ZNF385D: variants seen among roughly 807,000 people sequenced by gnomAD.
ZNF385D encodes zinc finger protein 385D, also known as zinc finger protein 659.
In ZNF385D, 15 loss-of-function variants were observed where a neutral mutation model predicts 35.8. The observed-to-expected ratio is 0.42, with a 90% CI of 0.28 to 0.64. ZNF385D has a LOEUF of 0.64. Ranked by LOEUF, ZNF385D falls within the 30% of genes least tolerant of loss-of-function variation. The probability of loss-of-function intolerance (pLI) is 0.23; values close to 1 mark genes in which losing one functional copy is unlikely to be tolerated. For synonymous variants in ZNF385D, 212 were observed against 186.8 expected (o/e 1.13, Z -1.10); for missense variants, 474 against 494.6 (o/e 0.96, Z 0.39).
chr3:21,457,806 T>TA (rs1281763137), intron 4 of ZNF385D, among the ~76,000 whole-genome samples: 1 of 152,216 alleles, frequency 6.6e-6, no homozygotes, highest in African/African-American at 2.4e-5. Flanking sequence ...TAAGTTAATT[T>TA]AAGAATTACA....
At chr3:22,320,892 T>C (rs1694379001) in intron 2 of ZNF385D, among the ~76,000 whole-genome samples, 1 of 151,970 alleles carries the variant, frequency 6.6e-6, no homozygotes, top group East Asian at 1.9e-4. Flanking sequence ...ATTTTGTACA[T>C]TTTAAATATA....
intron 3 of ZNF385D, among the ~76,000 whole-genome samples, chr3:22,041,122 C>T (rs1698638403): frequency 6.6e-6 from 1 of 152,046 alleles, no homozygotes; most frequent in South Asian, 2.1e-4. Flanking sequence ...CTCTGTTTTC[C>T]TCTATGTTGG....
intron 3 of ZNF385D, among the ~76,000 whole-genome samples, chr3:21,789,675 G>C (rs1033251790): frequency 6.6e-6 from 1 of 152,092 alleles, no homozygotes; most frequent in Non-Finnish European, 1.5e-5. Flanking sequence ...AGCCTCATTT[G>C]CCTGTATTTA....
At chr3:22,014,401 C>T (rs1372603933) in intron 3 of ZNF385D, among the ~76,000 whole-genome samples, 4 of 152,052 alleles carry the variant, frequency 2.6e-5, no homozygotes, top group Non-Finnish European at 5.9e-5. Flanking sequence ...GATAACAATC[C>T]TACAAGATGC....
At chr3:22,370,444 C>T (rs1201100978) in intron 2 of ZNF385D, among the ~76,000 whole-genome samples, 3 of 152,144 alleles carry the variant, frequency 2.0e-5, no homozygotes, top group African/African-American at 4.8e-5. Flanking sequence ...AAGTGCCACA[C>T]AATTTTTATT....
At chr3:22,091,564 G>C (rs1206468510) in intron 3 of ZNF385D, among the ~76,000 whole-genome samples, 1 of 150,330 alleles carries the variant, frequency 6.7e-6, no homozygotes, top group Non-Finnish European at 1.5e-5. Flanking sequence ...TAGCCTGCCA[G>C]AGTTATTGTT....
At chr3:22,321,858 A>G (rs1335667188) in intron 2 of ZNF385D, among the ~76,000 whole-genome samples, 1 of 152,040 alleles carries the variant, frequency 6.6e-6, no homozygotes, top group East Asian at 1.9e-4. Context: ...TTGAATCTTC[A>G]TTCTTTTAAT....
At chr3:22,304,144 C>T (rs1409266374) in intron 2 of ZNF385D, among the ~76,000 whole-genome samples, 1 of 152,156 alleles carries the variant, frequency 6.6e-6, no homozygotes, top group Non-Finnish European at 1.5e-5. Context: ...AGGTCTATTG[C>T]ATAGATCTTC....
chr3:21,556,681 C>T (rs552714909), intron 3 of ZNF385D, among the ~76,000 whole-genome samples: 36 of 151,640 alleles, frequency 2.4e-4, no homozygotes, highest in South Asian at 1.7e-3. Flanking sequence ...TTGTTCTGTT[C>T]GCTTAGGATT....
chr3:21,613,146 GTT>G (rs2125793810), intron 2 of ZNF385D, among the ~76,000 whole-genome samples: 1 of 152,046 alleles, frequency 6.6e-6, no homozygotes, highest in South Asian at 2.1e-4. Context: ...GTTCTTAGAA[GTT>G]ATTTCTGTAA....
At chr3:21,446,530 A>G (rs917649933) in intron 4 of ZNF385D, among the ~76,000 whole-genome samples, 1 of 120,318 alleles carries the variant, frequency 8.3e-6, no homozygotes, top group Non-Finnish European at 1.6e-5. Flanking sequence ...GTCTCACTCT[A>G]TCATGCAGGC....
At chr3:21,762,817 G>A (rs11708627) in intron 3 of ZNF385D, among the ~76,000 whole-genome samples, 26,737 of 152,102 alleles carry the variant, frequency 0.18, 2,855 homozygotes, top group Non-Finnish European at 0.23. Context: ...GATTGAAAAG[G>A]CCTATTCATC....
intron 2 of ZNF385D, among the ~76,000 whole-genome samples, chr3:22,256,950 T>G (rs1258102659): frequency 6.6e-6 from 1 of 151,830 alleles, no homozygotes; most frequent in Non-Finnish European, 1.5e-5. Context: ...TTTTTCAGGT[T>G]AAGGAAGACT....
chr3:22,045,284 G>T (rs1698920234), intron 3 of ZNF385D, among the ~76,000 whole-genome samples: 1 of 151,896 alleles, frequency 6.6e-6, no homozygotes, highest in Admixed American at 6.6e-5. Flanking sequence ...TGCAATATAG[G>T]GATTAAATGT....
intron 3 of ZNF385D, among the ~76,000 whole-genome samples, chr3:21,946,064 T>C (rs581184): frequency 0.26 from 39,537 of 152,034 alleles, 5,840 homozygotes; most frequent in Admixed American, 0.41. Flanking sequence ...TGACCGCTGC[T>C]CAGGTCATGG....
At chr3:21,922,897 T>C (rs1700543120) in intron 3 of ZNF385D, among the ~76,000 whole-genome samples, 1 of 152,170 alleles carries the variant, frequency 6.6e-6, no homozygotes, top group Non-Finnish European at 1.5e-5. Context: ...GACCAAGGTC[T>C]AATATGGAAT....
chr3:21,480,705 T>G (rs9811744), intron 4 of ZNF385D, among the ~76,000 whole-genome samples: 1 of 152,142 alleles, frequency 6.6e-6, no homozygotes. Context: ...GATATTCACT[T>G]GTTCTATTTT....
intron 3 of ZNF385D, among the ~76,000 whole-genome samples, chr3:22,153,750 C>T (rs1705413558): frequency 1.3e-5 from 2 of 152,082 alleles, no homozygotes; most frequent in Non-Finnish European, 1.5e-5. Flanking sequence ...TCCTGAAATT[C>T]TTAACAGATT....
chr3:21,656,382 A>T (rs569043369), intron 2 of ZNF385D, among the ~76,000 whole-genome samples: 30 of 151,926 alleles, frequency 2.0e-4, no homozygotes, highest in Non-Finnish European at 4.0e-4. Context: ...GTTTCTTCTG[A>T]AGATTGTTAG....
Sources: gnomAD v4.1 joint callset for allele counts (sites outside exome capture counted in the v4.1 genomes callset) on GRCh38, gnomAD v4.1.1 for gene constraint, MANE v1.5 for transcripts, NCBI Gene and HGNC (gene_info 2026-07-23, HGNC 2026-07-21) for gene names.